The following RCCD1 variants were observed in gnomAD, a reference collection of about 807,000 sequenced individuals.
The protein encoded by RCCD1 is RCC1 domain containing 1, also known as RCC1 domain-containing protein 1.
RCCD1 carries 40 observed loss-of-function variants against 37.6 expected under a neutral mutation model. The observed-to-expected ratio is 1.06, with a 90% CI of 0.83 to 1.39. RCCD1 has a LOEUF of 1.39. Ranked by LOEUF, RCCD1 falls within the 40% of genes most tolerant of loss-of-function variation. RCCD1 has a pLI of 0.00. For synonymous variants in RCCD1, 263 were observed against 230.0 expected, an observed-to-expected ratio of 1.14 and a Z score of -1.30; for missense variants, 577 against 517.3, an observed-to-expected ratio of 1.12 and a Z score of -1.12.
intron 4 of RCCD1, among the ~76,000 whole-genome samples, chr15:90,958,511 C>G (rs1478704508): frequency 6.6e-6 from 1 of 151,706 alleles, no homozygotes; most frequent in African/African-American, 2.4e-5. Context: ...GCCTGTAGTC[C>G]TGGCTACTCG....
chr15:90,958,627 CA>C (rs5814447), intron 4 of RCCD1, among the ~76,000 whole-genome samples: 11,891 of 75,126 alleles, frequency 0.16, 386 homozygotes, highest in African/African-American at 0.24. Flanking sequence ...GACTCAGTCT[CA>C]AAAAAAAAAA....
intron 4 of RCCD1, among the ~76,000 whole-genome samples, chr15:90,958,210 G>GTAGC (rs893892948): frequency 6.6e-6 from 1 of 152,210 alleles, no homozygotes; most frequent in Non-Finnish European, 1.5e-5. Context: ...TGATCCAGGT[G>GTAGC]TAGCTCCTTC....
Position 90,959,821 on chromosome 15 carries a change from C to CG in RCCD1, c.680-77dup, listed in dbSNP as rs978563135. 5 of 1,112,910 alleles carry CG rather than the reference C, an allele frequency of 4.5e-6. No individual in the cohort carries two copies. The African/African-American group carries it at 7.7e-5, about 17-fold the overall frequency. The allele number at this position is 1,112,910 out of a possible 1,614,324, so 68.9% of individuals were successfully genotyped here. A position where few individuals can be genotyped will look rare whatever the true frequency, so the allele number is the denominator to read the frequency against. ...GGCAGGCTTTAGTTGTCCCCAGGAG[C>CG]GGATGCGATGGGGAGGAGAGTTTGG... On this transcript the variant is annotated intron_variant, in intron 4 of 7. Coordinates refer to ENST00000394258, the MANE Select transcript of RCCD1 (RefSeq NM_001017919.2).
Position 90,962,974 on chromosome 15 carries a change from G to A in RCCD1, c.*1205G>A, listed in dbSNP as rs2037343705. 2.6e-5 allele frequency: 4 copies of A among 152,126 alleles called. No individual in the cohort carries two copies. The South Asian group carries it at 8.3e-4, about 31-fold the overall frequency. 9.4% of individuals were successfully genotyped at this position (152,126 alleles called of 1,614,324 possible). A position where few individuals can be genotyped will look rare whatever the true frequency, so the allele number is the denominator to read the frequency against. The stretch of plus-strand genomic sequence containing the variant: ...TTTTGATAAAATAAGCTTATCAGTA[G>A]TTTTCTTTATAGTTAAATTCTATTT... On this transcript the variant is annotated 3_prime_UTR_variant, in exon 8 of 8. Coordinates refer to ENST00000394258, the MANE Select transcript of RCCD1 (RefSeq NM_001017919.2).
intron 7 of RCCD1, 140 bp downstream of exon 7, chr15:90,961,194 C>T: frequency 1.2e-6 from 1 of 800,832 alleles, no homozygotes; most frequent in Non-Finnish European, 2.0e-6. Context: ...ACTGCTCCCT[C>T]CCTGGGGTTG....
In RCCD1 at chr15:90,956,779, C is replaced by T. The variant is rs1347008042; in HGVS notation, c.45C>T (p.Cys15=). ...RPGAWFGFGF[C]GFGQELGSGR... ...GGGCCTGGTTCGGCTTCGGTTTCTG[C>T]GGCTTCGGGCAGGAGCTGGGCTCCG... The change falls in exon 2 of 8, where the codon TGC becomes TGT. Residue 15 remains cysteine (C), a synonymous_variant. Coordinates refer to ENST00000394258, the MANE Select transcript of RCCD1 (RefSeq NM_001017919.2). The T allele has an allele frequency of 7.5e-7, 1 of 1,331,414 alleles. No individual in the cohort carries two copies. The highest frequency in any genetic ancestry group is 9.6e-7 in the Non-Finnish European group (1 of 1,040,212). 82.5% of individuals were successfully genotyped at this position (1,331,414 alleles called of 1,614,324 possible).
chr15:90,958,455 C>T (rs757599718), intron 4 of RCCD1, among the ~76,000 whole-genome samples: 3 of 151,670 alleles, frequency 2.0e-5, no homozygotes, highest in East Asian at 1.9e-4. Context: ...GGTGAAACCC[C>T]GTCTCTAAAA....
chr15:90,959,998 G>T lies in RCCD1; in HGVS notation c.778G>T (p.Ala260Ser). ...GGATGGAGAGACTGTCGCAAGGGAA[G>T]GTGAGGGTCATCTCGGCTCCCACAG... ...AEDGETVAREATELNEDGSQV... is the reference protein window; with the variant it reads ...AEDGETVARESTELNEDGSQV... Residue 260 changes from alanine (A) to serine (S), a missense_variant and splice_region_variant, in exon 5 of 8, where the codon GCC becomes TCC. Ala to Ser is a moderately conservative substitution (Grantham distance 99, BLOSUM62 1). Coordinates refer to ENST00000394258, the MANE Select transcript of RCCD1 (RefSeq NM_001017919.2). The T allele has an allele frequency of 6.2e-7, 1 of 1,611,158 alleles. No homozygotes were observed. The highest frequency in any genetic ancestry group is 8.5e-7 in the Non-Finnish European group (1 of 1,178,486).
At chr15:90,957,788 T>C (rs2037233495) in intron 4 of RCCD1, 63 bp downstream of exon 4, 2 of 1,537,840 alleles carry the variant, frequency 1.3e-6, no homozygotes, top group East Asian at 4.5e-5. Flanking sequence ...CTCCTCGTTT[T>C]CCAGTTTGGG....
intron 7 of RCCD1, 129 bp from the exon 8 acceptor site, chr15:90,961,489 G>A: frequency 8.8e-7 from 1 of 1,131,644 alleles, no homozygotes; most frequent in South Asian, 1.7e-5. Context: ...CTGGCTCTGG[G>A]TCTCTTGGAT....
At chr15:90,955,942 A>AT (rs1222244806) in intron 1 of RCCD1, 1 of 152,056 alleles carries the variant, frequency 6.6e-6, no homozygotes, top group Non-Finnish European at 1.5e-5. Context: ...TCCAGGGATA[A>AT]TTTTTTTGTC....
In RCCD1 at chr15:90,961,868, C is replaced by T. The variant is rs1199893957; in HGVS notation, c.*99C>T. On this transcript the variant is annotated 3_prime_UTR_variant, in exon 8 of 8. Coordinates refer to ENST00000394258, the MANE Select transcript of RCCD1 (RefSeq NM_001017919.2). ...CAAGGGCCCCATATTTGCCCCTCCCCATCACAGTCCTGCCCTTCACCCTCA... is the reference window on the plus strand; with the variant it reads ...CAAGGGCCCCATATTTGCCCCTCCCTATCACAGTCCTGCCCTTCACCCTCA... 1 of 1,215,066 alleles carries T rather than the reference C, an allele frequency of 8.2e-7. No homozygotes were observed. Among genetic ancestry groups the T allele is most frequent in the Non-Finnish European group, 1.2e-6 (1 of 857,440 alleles). The allele number at this position is 1,215,066 out of a possible 1,614,324, so 75.3% of individuals were successfully genotyped here. A position where few individuals can be genotyped will look rare whatever the true frequency, so the allele number is the denominator to read the frequency against.
intron 4 of RCCD1, 153 bp from the exon 5 acceptor site, chr15:90,959,747 C>A: frequency 1.8e-6 from 1 of 544,474 alleles, no homozygotes. Context: ...AAGACAAGCC[C>A]CTGGGGCCCG....
At position 90,962,756 on chromosome 15, in the gene RCCD1, A is replaced by G. The variant is rs894650568; in HGVS notation, c.*987A>G. 6.6e-5 allele frequency: 10 copies of G among 152,184 alleles called. No individual in the cohort carries two copies. The highest frequency in any genetic ancestry group is 2.4e-4 in the African/African-American group (10 of 41,448). The allele number at this position is 152,184 out of a possible 1,614,324, so 9.4% of individuals were successfully genotyped here. ...CTGTTCAAGTTTTCTGGCCTTTTAA[A>G]ATGTTCTGTATTTTCCTTAGTGATT... On this transcript the variant is annotated 3_prime_UTR_variant, in exon 8 of 8. Coordinates refer to ENST00000394258, the MANE Select transcript of RCCD1 (RefSeq NM_001017919.2).
Position 90,961,700 on chromosome 15 carries a change from C to T in RCCD1, c.1062C>T (p.Leu354=). ...RRVEYFVDKQ[L]QVKAVTCGPW... ...TGGAATACTTTGTAGATAAGCAACT[C>T]CAAGTAAAGGCTGTCACCTGTGGGC... The change falls in exon 8 of 8, where the codon CTC becomes CTT. Residue 354 remains leucine (L), a synonymous_variant. Coordinates refer to ENST00000394258, the MANE Select transcript of RCCD1 (RefSeq NM_001017919.2). The T allele has an allele frequency of 6.2e-7, 1 of 1,614,154 alleles. No individual in the cohort carries two copies. The highest frequency in any genetic ancestry group is 8.5e-7 in the Non-Finnish European group (1 of 1,180,022).
chr15:90,961,734 A>G lies in RCCD1; in HGVS notation c.1096A>G (p.Thr366Ala). 1 of 1,614,096 alleles carries G rather than the reference A, an allele frequency of 6.2e-7. No homozygotes were observed. Among genetic ancestry groups the G allele is most frequent in the Non-Finnish European group, 8.5e-7 (1 of 1,179,998 alleles). ...VKAVTCGPWN[T>A]YVYAVEKGKS is the part of the protein sequence containing the mutation. ...GGCTGTCACCTGTGGGCCGTGGAAC[A>G]CCTACGTGTATGCTGTGGAGAAAGG... The change falls in exon 8 of 8, where the codon ACC becomes GCC. Residue 366 changes from threonine to alanine, a missense_variant. Thr to Ala is a moderately conservative substitution (Grantham distance 58). Transcript: ENST00000394258.
Position 90,960,515 on chromosome 15 carries a change from G to C in RCCD1, c.949+17G>C. On this transcript the variant is annotated intron_variant, in intron 6 of 7. Transcript: ENST00000394258. Reference sequence around the variant, plus strand: ...TGGTGACACGTGAGTGGGGCTGGGAGGCACTCTGCTCCACTCGAGCTGGTG... The same window carrying C: ...TGGTGACACGTGAGTGGGGCTGGGACGCACTCTGCTCCACTCGAGCTGGTG... 1 of 1,601,002 alleles carries C rather than the reference G, an allele frequency of 6.2e-7. No individual in the cohort carries two copies. The highest frequency in any genetic ancestry group is 8.5e-7 in the Non-Finnish European group (1 of 1,177,040).
chr15:90,960,673 G>A, intron 6 of RCCD1, 175 bp downstream of exon 6: 2 of 650,366 alleles, frequency 3.1e-6, no homozygotes, highest in Non-Finnish European at 5.2e-6. Flanking sequence ...CAGCCTGTCA[G>A]GCCCAGAAGT....
intron 4 of RCCD1, among the ~76,000 whole-genome samples, chr15:90,958,039 G>C (rs954192030): frequency 2.0e-5 from 3 of 152,194 alleles, no homozygotes; most frequent in African/African-American, 7.2e-5. Context: ...GAGTGTGAGG[G>C]GGCAGCTGAG....
Sources: gnomAD v4.1 joint callset for allele counts (sites outside exome capture counted in the v4.1 genomes callset) on GRCh38, gnomAD v4.1.1 for gene constraint, MANE v1.5 for transcripts, NCBI Gene and HGNC (gene_info 2026-07-23, HGNC 2026-07-21) for gene names.